Variants in GRM5 observed in about 807,000 individuals in gnomAD.
The protein encoded by GRM5 is glutamate metabotropic receptor 5.
A neutral mutation model predicts 83.1 loss-of-function variants in GRM5; 19 were observed. That is an observed-to-expected ratio of 0.23 (90% CI 0.16 to 0.34). The LOEUF (loss-of-function observed/expected upper bound fraction) is 0.34. Ranked by LOEUF, GRM5 falls within the 10% of genes least tolerant of loss-of-function variation. The pLI is 1.00. For synonymous variants in GRM5, 675 were observed against 633.6 expected, an observed-to-expected ratio of 1.07 and a Z score of -0.98; for missense variants, 1,160 against 1,588.3, an observed-to-expected ratio of 0.73 and a Z score of 4.58.
At chr11:88,558,694 G>A (rs1942683244) in intron 8 of GRM5, among the ~76,000 whole-genome samples, 1 of 151,032 alleles carries the variant, frequency 6.6e-6, no homozygotes, top group African/African-American at 2.4e-5. Context: ...CCCACAACTT[G>A]GGAGGCTGAG....
chr11:89,062,066 C>T (rs1942006080), intron 1 of GRM5, among the ~76,000 whole-genome samples: 2 of 152,098 alleles, frequency 1.3e-5, no homozygotes, highest in Non-Finnish European at 2.9e-5. Flanking sequence ...GGAAATTTGA[C>T]GGGACGCACA....
chr11:88,880,485 T>C (rs1406421208), intron 2 of GRM5, among the ~76,000 whole-genome samples: 1 of 152,140 alleles, frequency 6.6e-6, no homozygotes, highest in Admixed American at 6.6e-5. Context: ...TAACATACAC[T>C]GAATTAACCT....
At chr11:88,824,783 G>C (rs115423446) in intron 3 of GRM5, among the ~76,000 whole-genome samples, 3,869 of 152,176 alleles carry the variant, frequency 0.025, 173 homozygotes, top group African/African-American at 0.089. Flanking sequence ...TGGCGGTTGG[G>C]GACCCCTGCT....
chr11:88,649,752 A>C (rs529852732), intron 4 of GRM5, among the ~76,000 whole-genome samples: 11 of 151,800 alleles, frequency 7.2e-5, no homozygotes, highest in Admixed American at 1.3e-4. Flanking sequence ...AAATGTTCTA[A>C]GAAAAATATA....
chr11:88,682,378 G>A (rs1286816368), intron 3 of GRM5, among the ~76,000 whole-genome samples: 1 of 151,944 alleles, frequency 6.6e-6, no homozygotes, highest in African/African-American at 2.4e-5. Flanking sequence ...CTAGCCTTGG[G>A]GAATAATGAT....
chr11:88,968,774 C>CCTAAAATAA (rs1939073322), intron 2 of GRM5, among the ~76,000 whole-genome samples: 1 of 151,796 alleles, frequency 6.6e-6, no homozygotes, highest in African/African-American at 2.4e-5. Context: ...TTTGAAAATA[C>CCTAAAATAA]CCTAAAAAGC....
Position 88,585,243 on chromosome 11 carries a change from C to A in GRM5, c.1690+5358G>T, listed in dbSNP as rs115774143. Among the ~76,000 whole-genome samples the A allele has an allele frequency of 7.3e-3, 1,117 of 152,280 alleles. 11 individuals are homozygous for A. Among genetic ancestry groups the A allele is most frequent in the African/African-American group, 0.026 (1,079 of 41,534 alleles). ...CTTCTTCAGGTCCTTAGGAAGGTTC[C>A]AGTGTTACATAAAACTTATATTAAA... On this transcript the variant is annotated intron_variant, in intron 7 of 9. Transcript: ENST00000305447.
rs117115249 is a variant in GRM5 at position 88,735,494 on chromosome 11, T to C, written c.912-82091A>G. Among the ~76,000 whole-genome samples, 814 of 152,034 alleles carry C rather than the reference T, an allele frequency of 5.4e-3. 3 individuals carry two copies. Among genetic ancestry groups the C allele is most frequent in the Non-Finnish European group, 8.0e-3 (541 of 67,936 alleles). Reference sequence around the variant, plus strand: ...TCTGCAATAATAACTTCCCCAGGAGTGAGCTTAGTCCTCAGTCTCTGAGCC... The same window carrying C: ...TCTGCAATAATAACTTCCCCAGGAGCGAGCTTAGTCCTCAGTCTCTGAGCC... On this transcript the variant is annotated intron_variant, in intron 3 of 9. Coordinates refer to ENST00000305447, the MANE Select transcript of GRM5 (RefSeq NM_001143831.3).
intron 2 of GRM5, among the ~76,000 whole-genome samples, chr11:88,905,618 A>C (rs1435536512): frequency 6.6e-6 from 1 of 152,176 alleles, no homozygotes; most frequent in South Asian, 2.1e-4. Flanking sequence ...TTGGGATTAC[A>C]TGCATGAGCC....
At chr11:88,859,606 A>G (rs982328040) in intron 2 of GRM5, among the ~76,000 whole-genome samples, 3 of 152,166 alleles carry the variant, frequency 2.0e-5, no homozygotes, top group African/African-American at 4.8e-5. Context: ...GCTAGTAAAT[A>G]GAAGAGCTGA....
intron 5 of GRM5, among the ~76,000 whole-genome samples, chr11:88,599,076 G>A (rs185214931): frequency 3.2e-4 from 49 of 152,110 alleles, no homozygotes; most frequent in African/African-American, 1.1e-3. Context: ...CCAAATCCTG[G>A]GTAGAGCTAA....
chr11:88,729,169 C>T (rs1190578025), intron 3 of GRM5, among the ~76,000 whole-genome samples: 1 of 152,158 alleles, frequency 6.6e-6, no homozygotes, highest in Non-Finnish European at 1.5e-5. Flanking sequence ...TAAGCAACTT[C>T]AGCAAAATCT....
At chr11:88,706,522 T>C (rs1941162462) in intron 3 of GRM5, among the ~76,000 whole-genome samples, 1 of 152,122 alleles carries the variant, frequency 6.6e-6, no homozygotes, top group Admixed American at 6.6e-5. Context: ...AATGTTCTTT[T>C]AGTAATATTG....
chr11:88,911,646 G>C (rs1945501244), intron 2 of GRM5, among the ~76,000 whole-genome samples: 1 of 152,098 alleles, frequency 6.6e-6, no homozygotes, highest in Non-Finnish European at 1.5e-5. Flanking sequence ...GTTTGACTTT[G>C]AATATGTCAC....
At chr11:88,521,627 C>G (rs1294901603) in intron 9 of GRM5, among the ~76,000 whole-genome samples, 1 of 152,102 alleles carries the variant, frequency 6.6e-6, no homozygotes, top group South Asian at 2.1e-4. Flanking sequence ...CTCCTGCAAT[C>G]AGGAGGATTC....
chr11:88,775,573 AT>A (rs1347086026), intron 3 of GRM5, among the ~76,000 whole-genome samples: 1 of 152,134 alleles, frequency 6.6e-6, no homozygotes, highest in Admixed American at 6.5e-5. Flanking sequence ...TCTTGTGGGC[AT>A]TTAGTGCTAT....
chr11:88,762,138 T>A (rs1942532044), intron 3 of GRM5, among the ~76,000 whole-genome samples: 1 of 152,002 alleles, frequency 6.6e-6, no homozygotes, highest in South Asian at 2.1e-4. Context: ...GCAAAGATTT[T>A]ATGACAAAGA....
intron 4 of GRM5, among the ~76,000 whole-genome samples, chr11:88,620,889 A>G (rs983792158): frequency 6.6e-6 from 1 of 152,160 alleles, no homozygotes; most frequent in African/African-American, 2.4e-5. Context: ...TTGAAATGCA[A>G]ATGAACACAG....
intron 2 of GRM5, among the ~76,000 whole-genome samples, chr11:89,014,965 G>A (rs1272864934): frequency 6.6e-6 from 1 of 152,136 alleles, no homozygotes; most frequent in African/African-American, 2.4e-5. Flanking sequence ...TCTTTCACTA[G>A]GGCTGATTCA....
Sources: allele counts gnomAD v4.1 joint callset (sites outside exome capture counted in the v4.1 genomes callset), GRCh38; gene constraint gnomAD v4.1.1; transcripts MANE v1.5; gene names NCBI Gene and HGNC (gene_info 2026-07-23, HGNC 2026-07-21).